Variants in MX2 observed in about 807,000 individuals in gnomAD.
MX2 encodes MX dynamin like GTPase 2.
A neutral mutation model predicts 74.0 loss-of-function variants in MX2; 51 were observed. The observed-to-expected ratio is 0.69, with a 90% CI of 0.55 to 0.87. The LOEUF (loss-of-function observed/expected upper bound fraction) is 0.87, where lower values mean the gene tolerates loss of function less well. MX2 is among the 40% of genes least tolerant of loss of function. The probability of loss-of-function intolerance (pLI) is 0.00; values close to 1 mark genes in which losing one functional copy is unlikely to be tolerated. For synonymous variants in MX2, 369 were observed against 339.3 expected (o/e 1.09, Z -0.96); for missense variants, 832 against 908.7 (o/e 0.92, Z 1.09).
At chr21:41,376,739 A>T (rs2089407789) in intron 1 of MX2, 97 bp from the exon 2 acceptor site, 2 of 824,414 alleles carry the variant, frequency 2.4e-6, no homozygotes. Flanking sequence ...TGTAGGGGGT[A>T]GGTTGTAGGG....
chr21:41,389,197 CA>C lies in MX2; in HGVS notation c.733-1355del, dbSNP rs58811401. ...TGATTAGTAAAGCAGAAAATAAAGTCAAAAAAAAAAAAACTTGTTCAGAAAG... is the reference window on the plus strand; with the variant it reads ...TGATTAGTAAAGCAGAAAATAAAGTCAAAAAAAAAAAACTTGTTCAGAAAG... On this transcript the variant is annotated intron_variant, in intron 5 of 13. Transcript: ENST00000330714. 4.7e-3 allele frequency among the ~76,000 whole-genome samples: 661 copies of C among 140,910 alleles called. 1 individual carries two copies. The highest frequency in any genetic ancestry group is 0.012 in the African/African-American group (459 of 38,656). The allele number at this position is 140,910 out of a possible 152,430, so 92.4% of individuals were successfully genotyped here. A position where few individuals can be genotyped will look rare whatever the true frequency, so the allele number is the denominator to read the frequency against.
intron 1 of MX2, chr21:41,374,170 G>A (rs889202288): frequency 2.0e-5 from 3 of 152,294 alleles, no homozygotes; most frequent in Non-Finnish European, 4.4e-5. Flanking sequence ...CAGGAGGAAC[G>A]GTCAGCCCCA....
chr21:41,375,301 A>G (rs2089385846), intron 1 of MX2, among the ~76,000 whole-genome samples: 1 of 152,246 alleles, frequency 6.6e-6, no homozygotes, highest in South Asian at 2.1e-4. Context: ...GATCACCACA[A>G]TAACCACGTG....
rs1478529831 is a variant in MX2 at position 41,369,355 on chromosome 21, A to T, written c.-72+7300A>T. Among the ~76,000 whole-genome samples, 3 of 152,278 alleles carry T rather than the reference A, an allele frequency of 2.0e-5. No homozygotes were observed. In the South Asian group the frequency reaches 6.2e-4, roughly 32 times the overall value. ...GCTCAGGAGCCGCTGGCTCTGCTGGAAGATCCGCCCCTCTGAGGCTGCGCG... is the reference window on the plus strand; with the variant it reads ...GCTCAGGAGCCGCTGGCTCTGCTGGTAGATCCGCCCCTCTGAGGCTGCGCG... On this transcript the variant is annotated intron_variant, in intron 1 of 13. Coordinates refer to ENST00000330714, the MANE Select transcript of MX2 (RefSeq NM_002463.2).
intron 1 of MX2, chr21:41,370,119 TG>T (rs1305492512): frequency 1.3e-5 from 2 of 151,992 alleles, no homozygotes; most frequent in Non-Finnish European, 2.9e-5. Flanking sequence ...CCATGGCGGG[TG>T]GGTAAAGGTT....
chr21:41,397,539 C>A, intron 7 of MX2, 74 bp from the exon 8 acceptor site: 3 of 1,381,612 alleles, frequency 2.2e-6, no homozygotes, highest in Non-Finnish European at 3.1e-6. Context: ...GCTCACCTAC[C>A]ACGCACAAAG....
intron 4 of MX2, 92 bp from the exon 5 acceptor site, chr21:41,382,318 C>T: frequency 6.9e-7 from 1 of 1,457,530 alleles, no homozygotes; most frequent in Middle Eastern, 1.8e-4. Context: ...GCTCTCATAC[C>T]CTGGAAAGGA....
At chr21:41,377,374 C>T (rs531471159) in intron 2 of MX2, among the ~76,000 whole-genome samples, 9 of 152,294 alleles carry the variant, frequency 5.9e-5, no homozygotes, top group South Asian at 4.1e-4. Context: ...CTTCTGTGTG[C>T]GGGGGTCCCC....
In MX2 at chr21:41,380,839, C is replaced by T. The variant is rs920244066; in HGVS notation, c.577+688C>T. On this transcript the variant is annotated intron_variant, in intron 4 of 13. Coordinates refer to ENST00000330714, the MANE Select transcript of MX2 (RefSeq NM_002463.2). This position sits in a 1 kb window ranked among gnomAD's most constrained non-coding sequence, Gnocchi z 4.3. Reference sequence around the variant, plus strand: ...AGTGCACAGCCCTGCCTGCCCCAGGCACTGGAGCCTCTCAACCTCCCTAAA... The same window carrying T: ...AGTGCACAGCCCTGCCTGCCCCAGGTACTGGAGCCTCTCAACCTCCCTAAA... 1.4e-4 allele frequency among the ~76,000 whole-genome samples: 22 copies of T among 152,238 alleles called. No homozygotes were observed. Among genetic ancestry groups the T allele is most frequent in the Admixed American group, 5.2e-4 (8 of 15,292 alleles).
rs894243410 is a variant in MX2 at position 41,398,956 on chromosome 21, G to A, written c.1209G>A (p.Glu403=). Residue 403 remains glutamate, a synonymous_variant, in exon 9 of 14, where the codon GAG becomes GAA. Coordinates refer to ENST00000330714, the MANE Select transcript of MX2 (RefSeq NM_002463.2). ...AGAGCCACCAGAAGGCGACCGAGGA[G>A]CTGCGGCGTTGCGGGGCTGACATCC... ...IRESHQKATE[E]LRRCGADIPS... 2.5e-6 allele frequency: 4 copies of A among 1,614,006 alleles called. No homozygotes were observed. In the African/African-American group the frequency reaches 4.0e-5, roughly 16 times the overall value.
intron 1 of MX2, among the ~76,000 whole-genome samples, chr21:41,369,189 G>C (rs748965206): frequency 3.9e-5 from 6 of 152,130 alleles, no homozygotes; most frequent in Non-Finnish European, 5.9e-5. Context: ...CATGGGAGGA[G>C]GGGGGTGCAG....
intron 6 of MX2, among the ~76,000 whole-genome samples, chr21:41,391,090 G>A (rs1279564938): frequency 6.6e-6 from 1 of 151,890 alleles, no homozygotes; most frequent in Non-Finnish European, 1.5e-5. Flanking sequence ...GGAAGATCCT[G>A]GAACGTATCA....
At chr21:41,362,523 C>A (rs540987167) in intron 1 of MX2, among the ~76,000 whole-genome samples, 1 of 151,818 alleles carries the variant, frequency 6.6e-6, no homozygotes, top group African/African-American at 2.4e-5. Context: ...TCTCATGGGG[C>A]GGGGCAGGGC....
At position 41,377,102 on chromosome 21, in the gene MX2, C is replaced by T; in HGVS notation, c.196C>T (p.Leu66Phe). The change falls in exon 2 of 14, where the codon CTC (leucine) becomes TTC (phenylalanine). Residue 66 changes from leucine (L) to phenylalanine (F), a missense_variant. Leu to Phe is a conservative substitution (Grantham distance 22). Transcript: ENST00000330714. ...AAFLAKDFNF[L>F]TLNNQPPPGN... Reference sequence around the variant, plus strand: ...TTTCCTCGCCAAGGACTTCAACTTTCTCACTTTGAACAATCAGCCACCACC... The same window carrying T: ...TTTCCTCGCCAAGGACTTCAACTTTTTCACTTTGAACAATCAGCCACCACC... 1 of 1,614,228 alleles carries T rather than the reference C, an allele frequency of 6.2e-7. No individual in the cohort carries two copies. The highest frequency in any genetic ancestry group is 8.5e-7 in the Non-Finnish European group (1 of 1,180,042).
intron 3 of MX2, among the ~76,000 whole-genome samples, 174 bp from the exon 4 acceptor site, chr21:41,379,843 T>C (rs530422503): frequency 6.6e-6 from 1 of 152,332 alleles, no homozygotes; most frequent in African/African-American, 2.4e-5. Flanking sequence ...CCCAGGGCCC[T>C]GTGCCCCTTT....
intron 5 of MX2, among the ~76,000 whole-genome samples, chr21:41,387,256 G>A (rs2089592006): frequency 1.3e-5 from 2 of 152,110 alleles, no homozygotes; most frequent in African/African-American, 4.8e-5. Context: ...AAGAACACAT[G>A]TGTCTTTCAT....
intron 7 of MX2, among the ~76,000 whole-genome samples, chr21:41,396,687 C>T (rs780330169): frequency 6.6e-6 from 1 of 152,180 alleles, no homozygotes; most frequent in African/African-American, 2.4e-5. Flanking sequence ...CCACCCGGTT[C>T]CTTCTTTCTT....
intron 8 of MX2, among the ~76,000 whole-genome samples, chr21:41,398,263 C>T (rs1274222062): frequency 6.6e-6 from 1 of 152,138 alleles, no homozygotes; most frequent in African/African-American, 2.4e-5. Context: ...GAGCCAAGAT[C>T]GTGCCATTGC....
intron 4 of MX2, among the ~76,000 whole-genome samples, chr21:41,381,439 A>C (rs931771642): frequency 9.4e-4 from 143 of 152,302 alleles, no homozygotes; most frequent in Admixed American, 3.0e-3. Flanking sequence ...TAATCCCAGC[A>C]CTTTGGGAGG....
Sources: allele counts gnomAD v4.1 joint callset (sites outside exome capture counted in the v4.1 genomes callset), GRCh38; gene constraint gnomAD v4.1.1; non-coding constraint Gnocchi (gnomAD v3.1); transcripts MANE v1.5; gene names NCBI Gene and HGNC (gene_info 2026-07-23, HGNC 2026-07-21).